MECOM: variants seen among roughly 807,000 people sequenced by gnomAD.
The protein encoded by MECOM is MDS1 and EVI1 complex locus.
In MECOM, 13 loss-of-function variants were observed where a neutral mutation model predicts 116.3. The ratio of observed to expected loss-of-function variants is 0.11; its 90% CI spans 0.07 to 0.18. The LOEUF is 0.18. Ranked by LOEUF, MECOM falls within the 10% of genes least tolerant of loss-of-function variation. The probability of loss-of-function intolerance (pLI) is 1.00; values close to 1 mark genes in which losing one functional copy is unlikely to be tolerated. For missense variants in MECOM, 1,299 were observed against 1,509.0 expected (o/e 0.86, Z 2.31); for synonymous variants, 528 against 535.2 (o/e 0.99, Z 0.19).
chr3:169,132,952 CTG>C (rs2149217904), intron 3 of MECOM, among the ~76,000 whole-genome samples: 1 of 152,034 alleles, frequency 6.6e-6, no homozygotes, highest in South Asian at 2.1e-4. Flanking sequence ...TGGGATTTCA[CTG>C]TGTTACTCTG....
chr3:169,354,786 T>TC (rs150076698), intron 2 of MECOM, among the ~76,000 whole-genome samples: 5,172 of 151,690 alleles, frequency 0.034, 174 homozygotes, highest in African/African-American at 0.091. Context: ...GTTCAGTTTT[T>TC]CCCCCCCTTC....
chr3:169,404,720 G>A (rs557162619), intron 1 of MECOM, among the ~76,000 whole-genome samples: 12 of 152,242 alleles, frequency 7.9e-5, no homozygotes, highest in Admixed American at 3.3e-4. Context: ...TGGCCACCCC[G>A]CCGGCCTGGT....
At chr3:169,317,000 G>C (rs1381691890) in intron 2 of MECOM, among the ~76,000 whole-genome samples, 1 of 152,126 alleles carries the variant, frequency 6.6e-6, no homozygotes, top group Non-Finnish European at 1.5e-5. Context: ...GATCAAAAAG[G>C]GCATGATTCC....
chr3:169,378,989 A>G (rs1170303414), intron 2 of MECOM, among the ~76,000 whole-genome samples: 4 of 151,880 alleles, frequency 2.6e-5, no homozygotes, highest in African/African-American at 9.7e-5. Context: ...AGGTCACACT[A>G]GTTAATCACA....
chr3:169,376,014 G>A (rs150712088), intron 2 of MECOM, among the ~76,000 whole-genome samples: 1 of 151,996 alleles, frequency 6.6e-6, no homozygotes, highest in Non-Finnish European at 1.5e-5. Context: ...GGGATGCAAG[G>A]CTGGATCAAC....
chr3:169,529,497 C>T (rs372731754), intron 1 of MECOM, among the ~76,000 whole-genome samples: 14 of 152,164 alleles, frequency 9.2e-5, no homozygotes, highest in Admixed American at 8.5e-4. Context: ...TATCCTGTAG[C>T]ATTTACCACC....
intron 2 of MECOM, among the ~76,000 whole-genome samples, chr3:169,269,935 T>C (rs1278239672): frequency 6.6e-6 from 1 of 151,940 alleles, no homozygotes; most frequent in Non-Finnish European, 1.5e-5. Flanking sequence ...TGTTCAAATT[T>C]TAGCTTTCTA....
chr3:169,653,441 T>C (rs1489555698), intron 1 of MECOM, among the ~76,000 whole-genome samples: 1 of 152,106 alleles, frequency 6.6e-6, no homozygotes, highest in Non-Finnish European at 1.5e-5. Context: ...TTCCATACTA[T>C]TGGAATGAAA....
chr3:169,426,010 G>A (rs570462763), intron 1 of MECOM, among the ~76,000 whole-genome samples: 1 of 152,240 alleles, frequency 6.6e-6, no homozygotes, highest in Non-Finnish European at 1.5e-5. Flanking sequence ...GTGAGCCTGT[G>A]TATTATAGTT....
intron 2 of MECOM, among the ~76,000 whole-genome samples, chr3:169,249,763 GT>G (rs1255443075): frequency 6.6e-6 from 1 of 152,110 alleles, no homozygotes; most frequent in African/African-American, 2.4e-5. Flanking sequence ...GCATTTTATA[GT>G]TACATCACTC....
At chr3:169,219,463 C>T (rs1233481488) in intron 2 of MECOM, among the ~76,000 whole-genome samples, 4 of 152,104 alleles carry the variant, frequency 2.6e-5, no homozygotes, top group South Asian at 2.1e-4. Context: ...GCCAAGATGG[C>T]GCCACTGCAC....
intron 3 of MECOM, among the ~76,000 whole-genome samples, chr3:169,132,749 T>C (rs1199179556): frequency 1.4e-5 from 2 of 138,350 alleles, no homozygotes; most frequent in Admixed American, 7.0e-5. Context: ...ATCTCTTTTT[T>C]CTTTTCTTTT....
intron 2 of MECOM, among the ~76,000 whole-genome samples, chr3:169,168,810 T>A (rs1343400873): frequency 6.6e-6 from 1 of 151,902 alleles, no homozygotes; most frequent in Admixed American, 6.6e-5. Context: ...TGCAAATTTG[T>A]ATACAAAAGT....
intron 2 of MECOM, among the ~76,000 whole-genome samples, chr3:169,282,693 G>C (rs1396945136): frequency 6.6e-6 from 1 of 152,040 alleles, no homozygotes; most frequent in Non-Finnish European, 1.5e-5. Flanking sequence ...ATGTAATCTA[G>C]AGCTGTAGTC....
At chr3:169,328,658 T>C (rs1323297526) in intron 2 of MECOM, among the ~76,000 whole-genome samples, 1 of 152,198 alleles carries the variant, frequency 6.6e-6, no homozygotes, top group Non-Finnish European at 1.5e-5. Flanking sequence ...TTAAATGTTG[T>C]AGAAAAAGCT....
At chr3:169,418,523 C>A (rs1213732275) in intron 1 of MECOM, among the ~76,000 whole-genome samples, 1 of 152,112 alleles carries the variant, frequency 6.6e-6, no homozygotes, top group Admixed American at 6.6e-5. Context: ...CCGAATCTAG[C>A]AGCACATCAA....
At chr3:169,555,639 C>CTG (rs1222953707) in intron 1 of MECOM, among the ~76,000 whole-genome samples, 2 of 152,326 alleles carry the variant, frequency 1.3e-5, no homozygotes, top group African/African-American at 4.8e-5. Context: ...CTGACCTTGT[C>CTG]TGTGTCCTGT....
intron 1 of MECOM, among the ~76,000 whole-genome samples, chr3:169,564,256 A>G (rs73028339): frequency 0.011 from 1,734 of 152,346 alleles, 32 homozygotes; most frequent in African/African-American, 0.039. Context: ...TAAATGTCAC[A>G]TATATGAACC....
At chr3:169,295,531 C>G (rs1715420293) in intron 2 of MECOM, among the ~76,000 whole-genome samples, 2 of 152,102 alleles carry the variant, frequency 1.3e-5, no homozygotes, top group Non-Finnish European at 2.9e-5. Flanking sequence ...AATTAAATTA[C>G]TTTATTGTAG....
Sources: allele counts gnomAD v4.1 joint callset (sites outside exome capture counted in the v4.1 genomes callset), GRCh38; gene constraint gnomAD v4.1.1; transcripts MANE v1.5; gene names NCBI Gene and HGNC (gene_info 2026-07-23, HGNC 2026-07-21).